The following BIN2 variants were observed in gnomAD, a reference collection of about 807,000 sequenced individuals.
BIN2 encodes bridging integrator 2.
BIN2 carries 43 observed loss-of-function variants against 67.9 expected under a neutral mutation model. That is an observed-to-expected ratio of 0.63 (90% confidence interval 0.50 to 0.82). BIN2 has a LOEUF of 0.82. BIN2 is among the 40% of genes least tolerant of loss of function. BIN2 has a pLI of 0.00. For synonymous variants in BIN2, 244 were observed against 246.8 expected, an observed-to-expected ratio of 0.99 and a Z score of 0.11; for missense variants, 581 against 671.6, an observed-to-expected ratio of 0.87 and a Z score of 1.49.
At position 51,295,833 on chromosome 12, in the gene BIN2, G is replaced by A; in HGVS notation, c.724C>T (p.His242Tyr). 1.2e-6 allele frequency: 2 copies of A among 1,613,310 alleles called. No individual in the cohort carries two copies. Among genetic ancestry groups the A allele is most frequent in the East Asian group, 4.5e-5 (2 of 44,840 alleles). Residue 242 changes from histidine (H) to tyrosine (Y), a missense_variant, in exon 9 of 13, where the codon CAT becomes TAT. Transcript: ENST00000615107. The stretch of plus-strand genomic sequence containing the variant: ...TTCACCACAAAGACTTTATTGGAAT[G>A]TTGCTTCTCCAGTTTGCTCATCACC... ...YEVMSKLEKQ[H>Y]SNKVFVVKGL...
At chr12:51,287,504 T>C (rs547816468) in intron 11 of BIN2, among the ~76,000 whole-genome samples, 210 of 151,606 alleles carry the variant, frequency 1.4e-3, no homozygotes, top group African/African-American at 4.8e-3. Context: ...GGCTAATTTT[T>C]GTATTTTTAG....
intron 5 of BIN2, among the ~76,000 whole-genome samples, chr12:51,301,086 C>T (rs764710979): frequency 1.3e-5 from 2 of 152,030 alleles, no homozygotes; most frequent in African/African-American, 2.4e-5. Flanking sequence ...GGCTTGGTGA[C>T]GCATGCCTGT....
chr12:51,310,647 T>A (rs1945969858), intron 2 of BIN2, among the ~76,000 whole-genome samples: 2 of 152,384 alleles, frequency 1.3e-5, no homozygotes, highest in South Asian at 4.1e-4. Context: ...CATTTATTTA[T>A]TGTGGATATA....
intron 7 of BIN2, among the ~76,000 whole-genome samples, chr12:51,298,560 TAATAA>T (rs1167624032): frequency 4.6e-5 from 7 of 151,688 alleles, no homozygotes; most frequent in South Asian, 2.1e-4. Context: ...ATTAATTAAT[TAATAA>T]AATAAAATAA....
intron 1 of BIN2, among the ~76,000 whole-genome samples, chr12:51,320,703 T>C (rs921417314): frequency 9.2e-5 from 14 of 151,450 alleles, no homozygotes; most frequent in Non-Finnish European, 1.5e-5. Context: ...ACCCCTAAAT[T>C]CCCTGCTGGG....
chr12:51,289,616 AAAAG>A (rs1221513894), intron 10 of BIN2, among the ~76,000 whole-genome samples: 1 of 152,158 alleles, frequency 6.6e-6, no homozygotes, highest in South Asian at 2.1e-4. Flanking sequence ...ACCCTGTCTC[AAAAG>A]AAAGAAAGAA....
Position 51,294,393 on chromosome 12 carries a change from C to T in BIN2, c.761+1403G>A, listed in dbSNP as rs994823271. Among the ~76,000 whole-genome samples the T allele has an allele frequency of 3.9e-5, 6 of 152,012 alleles. No individual in the cohort carries two copies. In the East Asian group the frequency reaches 5.8e-4, roughly 15 times the overall value. On this transcript the variant is annotated intron_variant, in intron 9 of 12. Coordinates refer to ENST00000615107, the MANE Select transcript of BIN2 (RefSeq NM_016293.4). The stretch of plus-strand genomic sequence containing the variant: ...ACCAGCCTGGCCAGTATGGTGAAAC[C>T]GCGTCTCTACTAAAAATACAAAAAT...
At chr12:51,306,035 A>C (rs569293996) in intron 2 of BIN2, among the ~76,000 whole-genome samples, 18 of 151,662 alleles carry the variant, frequency 1.2e-4, no homozygotes, top group African/African-American at 4.3e-4. Context: ...ACAGGGTTTC[A>C]CTGTGTTAGC....
chr12:51,286,369 G>A (rs1028832106), intron 11 of BIN2, among the ~76,000 whole-genome samples: 37 of 152,224 alleles, frequency 2.4e-4, no homozygotes, highest in African/African-American at 8.4e-4. Flanking sequence ...CCACCAGAGA[G>A]GCTAAGAGTA....
chr12:51,309,610 C>T (rs965199779), intron 2 of BIN2, among the ~76,000 whole-genome samples: 1 of 151,902 alleles, frequency 6.6e-6, no homozygotes, highest in Non-Finnish European at 1.5e-5. Context: ...GGTCTTGAAC[C>T]CCTGGCCCTT....
chr12:51,319,470 C>G (rs890108408), intron 1 of BIN2, among the ~76,000 whole-genome samples: 1 of 152,198 alleles, frequency 6.6e-6, no homozygotes, highest in Admixed American at 6.5e-5. Flanking sequence ...TGTACAGATG[C>G]TAAACAGATG....
At chr12:51,324,179 G>C, upstream of BIN2, 1 of 1,575,230 alleles carries the variant, frequency 6.3e-7, no homozygotes, top group Non-Finnish European at 8.6e-7. Context: ...GGAAGTGCGG[G>C]CTCCCGGCAT....
intron 10 of BIN2, among the ~76,000 whole-genome samples, chr12:51,289,473 G>C (rs1156713544): frequency 1.3e-5 from 2 of 151,984 alleles, no homozygotes; most frequent in African/African-American, 4.8e-5. Context: ...AAATGAGGCA[G>C]GCATGGTGGC....
At chr12:51,291,546 T>A (rs773950360) in intron 10 of BIN2, 45 bp downstream of exon 10, 1 of 1,515,626 alleles carries the variant, frequency 6.6e-7, no homozygotes, top group Non-Finnish European at 8.8e-7. Flanking sequence ...CTAGCTTAAA[T>A]AAATAAATTA....
chr12:51,321,735 A>G (rs1485163185), intron 1 of BIN2, among the ~76,000 whole-genome samples: 1 of 152,198 alleles, frequency 6.6e-6, no homozygotes, highest in Non-Finnish European at 1.5e-5. Flanking sequence ...TCTGGTCCAT[A>G]ATAGGCGCTT....
At chr12:51,323,096 AAGAG>A (rs1186559077) in intron 1 of BIN2, 3 of 152,156 alleles carry the variant, frequency 2.0e-5, no homozygotes, top group Non-Finnish European at 4.4e-5. Context: ...GGGCTTAATA[AAGAG>A]AGAGAGAAAA....
At chr12:51,306,792 C>T (rs1270617525) in intron 2 of BIN2, among the ~76,000 whole-genome samples, 2 of 152,200 alleles carry the variant, frequency 1.3e-5, no homozygotes, top group African/African-American at 2.4e-5. Context: ...TTCAGAAACA[C>T]TCAGCATCTA....
chr12:51,322,592 GTTT>G (rs1161292181), intron 1 of BIN2: 2 of 128,664 alleles, frequency 1.6e-5, no homozygotes, highest in East Asian at 4.5e-4. Context: ...ATTCATGAGT[GTTT>G]TGTCTTTTAG....
chr12:51,281,620 A>G, intron 12 of BIN2, 92 bp from the exon 13 acceptor site: 1 of 1,332,110 alleles, frequency 7.5e-7, no homozygotes, highest in Non-Finnish European at 1.1e-6. Context: ...CTACTGAATT[A>G]TACTTCATGT....
Sources: allele counts gnomAD v4.1 joint callset (sites outside exome capture counted in the v4.1 genomes callset), GRCh38; gene constraint gnomAD v4.1.1; transcripts MANE v1.5; gene names NCBI Gene and HGNC (gene_info 2026-07-23, HGNC 2026-07-21).